Variants in ARHGEF16 observed in about 807,000 individuals in gnomAD.
ARHGEF16 encodes Rho guanine exchange factor (GEF) 16.
ARHGEF16 carries 59 observed loss-of-function variants against 74.1 expected under a neutral mutation model. The observed-to-expected ratio is 0.80, with a 90% CI of 0.65 to 0.99. ARHGEF16 has a LOEUF of 0.99. Ranked by LOEUF, ARHGEF16 falls within the 50% of genes least tolerant of loss-of-function variation. ARHGEF16 has a pLI of 0.00. For synonymous variants in ARHGEF16, 415 were observed against 412.6 expected, an observed-to-expected ratio of 1.01 and a Z score of -0.07; for missense variants, 948 against 986.6, an observed-to-expected ratio of 0.96 and a Z score of 0.52.
intron 1 of ARHGEF16, among the ~76,000 whole-genome samples, chr1:3,457,575 A>G (rs1233879527): frequency 1.3e-5 from 2 of 151,880 alleles, no homozygotes; most frequent in African/African-American, 4.9e-5. Flanking sequence ...CCGGAAGGAT[A>G]AGGGGGCAGG....
chr1:3,480,375 G>A (rs1230846660), intron 14 of ARHGEF16, 73 bp from the exon 15 acceptor site: 17 of 1,584,578 alleles, frequency 1.1e-5, no homozygotes, highest in Non-Finnish European at 1.4e-5. Context: ...GTGTGCTCAG[G>A]CATAGCAGCT....
chr1:3,479,864 G>T lies in ARHGEF16; in HGVS notation c.1941G>T (p.Glu647Asp). Residue 647 changes from glutamate to aspartate, a missense_variant, in exon 14 of 15, where the codon GAG becomes GAT. Physicochemically the swap from Glu to Asp is conservative, Grantham distance 45. Coordinates refer to ENST00000378378, the MANE Select transcript of ARHGEF16 (RefSeq NM_014448.4). Reference sequence around the variant, plus strand: ...CCTTCTTCGCGAAGCAAGCAGACGAGGTCACACTGCAGCAGGCGGACGTGG... The same window carrying T: ...CCTTCTTCGCGAAGCAAGCAGACGATGTCACACTGCAGCAGGCGGACGTGG... ...TKAFFAKQADEVTLQQADVVL... is the reference protein window; with the variant it reads ...TKAFFAKQADDVTLQQADVVL... 1 of 1,612,444 alleles carries T rather than the reference G, an allele frequency of 6.2e-7. No homozygotes were observed. Among genetic ancestry groups the T allele is most frequent in the Non-Finnish European group, 8.5e-7 (1 of 1,179,926 alleles).
chr1:3,466,369 GA>G (rs1376777905), intron 3 of ARHGEF16, among the ~76,000 whole-genome samples, 176 bp downstream of exon 3: 2 of 152,128 alleles, frequency 1.3e-5, no homozygotes, highest in African/African-American at 4.8e-5. Context: ...TAGCCCTGAT[GA>G]GTCTAGAAAG....
rs138148473 is a variant in ARHGEF16, at chr1:3,469,490, G to A, written c.919G>A (p.Val307Met). 29 of 1,613,216 alleles carry A rather than the reference G, an allele frequency of 1.8e-5. No homozygotes were observed. In the African/African-American group the frequency reaches 3.7e-4, roughly 21 times the overall value. ...CTACCAGCACAGCCTGAGCATCCTG[G>A]TGGAGGAGTTCCTGCAGTCCAAGGA... Reference protein sequence around the residue: ...FSYQHSLSILVEEFLQSKELR... With the variant: ...FSYQHSLSILMEEFLQSKELR... Residue 307 changes from valine (V) to methionine (M), a missense_variant, in exon 6 of 15, where the codon GTG becomes ATG. Transcript: ENST00000378378.
chr1:3,470,035 G>A (rs903757262), intron 6 of ARHGEF16, among the ~76,000 whole-genome samples: 7 of 152,310 alleles, frequency 4.6e-5, no homozygotes, highest in African/African-American at 1.7e-4. Context: ...TGGTTGCAGG[G>A]CCTGGAGGTA....
Position 3,463,460 on chromosome 1 carries a change from C to G in ARHGEF16, c.376C>G (p.Pro126Ala), listed in dbSNP as rs760793295. ...CGCCCGGCGGGACCCTAAGCTCCTC[C>G]CAGCCCCCAGCTTCTCCCTGGATGA... is the stretch of plus-strand genomic sequence containing the variant. ...EAARRDPKLL[P>A]APSFSLDDMD... Residue 126 changes from proline to alanine, a missense_variant, in exon 2 of 15, where the codon CCA (proline) becomes GCA (alanine). Physicochemically the swap from Pro to Ala is conservative, Grantham distance 27. Coordinates refer to ENST00000378378, the MANE Select transcript of ARHGEF16 (RefSeq NM_014448.4). The G allele has an allele frequency of 6.5e-7, 1 of 1,534,932 alleles. No homozygotes were observed. The highest frequency in any genetic ancestry group is 1.2e-5 in the South Asian group (1 of 82,798).
Position 3,468,788 on chromosome 1 carries a change from G to T in ARHGEF16, c.805-92G>T. ...CCCTGTGGGGTGGCTGTCCATGTTG[G>T]CCCTGGTCCATCAGGAGGAGGAAAG... is the stretch of plus-strand genomic sequence containing the variant. On this transcript the variant is annotated intron_variant, in intron 4 of 14. Transcript: ENST00000378378. 7 of 1,447,626 alleles carry T rather than the reference G, an allele frequency of 4.8e-6. No homozygotes were observed. The South Asian group carries it at 7.3e-5, about 15-fold the overall frequency. The allele number at this position is 1,447,626 out of a possible 1,614,324, so 89.7% of individuals were successfully genotyped here.
In ARHGEF16 at chr1:3,463,048, C is replaced by T. The variant is rs935641165; in HGVS notation, c.-19-18C>T. The T allele has an allele frequency of 7.0e-7, 1 of 1,435,278 alleles. No homozygotes were observed. The highest frequency in any genetic ancestry group is 9.2e-7 in the Non-Finnish European group (1 of 1,087,146). The allele number at this position is 1,435,278 out of a possible 1,614,324, so 88.9% of individuals were successfully genotyped here. A position where few individuals can be genotyped will look rare whatever the true frequency, so the allele number is the denominator to read the frequency against. On this transcript the variant is annotated intron_variant, in intron 1 of 14. Coordinates refer to ENST00000378378, the MANE Select transcript of ARHGEF16 (RefSeq NM_014448.4). ...GGGAGAGCAGCCTCACGAGACCTCA[C>T]TTCTGCCCTTCCCCCAGGACCCCAC...
intron 4 of ARHGEF16, among the ~76,000 whole-genome samples, chr1:3,467,638 G>C (rs764001695): frequency 6.6e-6 from 1 of 152,190 alleles, no homozygotes; most frequent in African/African-American, 2.4e-5. Flanking sequence ...CAGGGCCCCC[G>C]CCCCAGGAGA....
intron 14 of ARHGEF16, 139 bp downstream of exon 14, chr1:3,480,052 G>A: frequency 2.5e-6 from 2 of 788,218 alleles, no homozygotes; most frequent in South Asian, 3.4e-5. Context: ...TTCCTCAAAG[G>A]GAGCACTCCC....
intron 13 of ARHGEF16, 68 bp from the exon 14 acceptor site, chr1:3,479,744 A>T: frequency 6.3e-7 from 1 of 1,575,558 alleles, no homozygotes; most frequent in South Asian, 1.1e-5. Context: ...TGTCTGCTGG[A>T]GGCCGTTGGG....
intron 12 of ARHGEF16, among the ~76,000 whole-genome samples, chr1:3,479,030 A>C (rs1639980027): frequency 1.3e-5 from 2 of 152,158 alleles, no homozygotes; most frequent in Non-Finnish European, 2.9e-5. Flanking sequence ...GGGTGCAGCG[A>C]CCCTGGCCGG....
At chr1:3,473,844 C>T (rs1379019848) in intron 8 of ARHGEF16, 2 of 419,060 alleles carry the variant, frequency 4.8e-6, no homozygotes, top group Non-Finnish European at 8.7e-6. Context: ...CTCCCAGCCC[C>T]CACCCCACCA....
At chr1:3,468,131 C>T (rs963000924) in intron 4 of ARHGEF16, among the ~76,000 whole-genome samples, 2 of 152,156 alleles carry the variant, frequency 1.3e-5, no homozygotes, top group Non-Finnish European at 2.9e-5. Context: ...GAGCTGGGGG[C>T]GTGTGGTCTC....
intron 1 of ARHGEF16, among the ~76,000 whole-genome samples, chr1:3,457,729 A>G (rs967000019): frequency 1.3e-5 from 2 of 152,108 alleles, no homozygotes; most frequent in Admixed American, 1.3e-4. Context: ...ACCTGCTTGG[A>G]CCGGCCAGGC....
Position 3,477,141 on chromosome 1 carries a change from G to A in ARHGEF16, c.1474-734G>A, listed in dbSNP as rs370964687. Among the ~76,000 whole-genome samples, 6 of 151,762 alleles carry A rather than the reference G, an allele frequency of 4.0e-5. No individual in the cohort carries two copies. The East Asian group carries it at 7.9e-4, about 20-fold the overall frequency. Reference sequence around the variant, plus strand: ...GGGAGCGGGAGGTGCCGGGGGCTCTGAGTCTGTAGTGGGCACAGGTGGGGA... The same window carrying A: ...GGGAGCGGGAGGTGCCGGGGGCTCTAAGTCTGTAGTGGGCACAGGTGGGGA... On this transcript the variant is annotated intron_variant, in intron 10 of 14. Transcript: ENST00000378378.
intron 5 of ARHGEF16, 80 bp downstream of exon 5, chr1:3,469,016 G>A: frequency 6.7e-7 from 1 of 1,498,674 alleles, no homozygotes; most frequent in Non-Finnish European, 9.1e-7. Flanking sequence ...AGCCACGGTG[G>A]CACCACCCAG....
intron 11 of ARHGEF16, 94 bp downstream of exon 11, chr1:3,478,120 C>T (rs573700436): frequency 3.3e-6 from 5 of 1,527,276 alleles, no homozygotes; most frequent in Admixed American, 3.7e-5. Flanking sequence ...TGGCCCTGAG[C>T]CCCTCTGACC....
chr1:3,454,838 G>A (rs1569825634), intron 1 of ARHGEF16, 27 bp downstream of exon 1: 1 of 152,344 alleles, frequency 6.6e-6, no homozygotes, highest in African/African-American at 2.4e-5. Context: ...GGTGAGCCGG[G>A]GGACAGGTGA....
Sources: gnomAD v4.1 joint callset for allele counts (sites outside exome capture counted in the v4.1 genomes callset) on GRCh38, gnomAD v4.1.1 for gene constraint, MANE v1.5 for transcripts, NCBI Gene and HGNC (gene_info 2026-07-23, HGNC 2026-07-21) for gene names.